IGSF21: variants seen among roughly 807,000 people sequenced by gnomAD.
The protein encoded by IGSF21 is immunoglobin superfamily member 21, also known as immunoglobulin superfamily member 21.
Under a neutral mutation model 46.8 loss-of-function variants are expected in IGSF21, and 28 were observed. The observed-to-expected ratio is 0.60, with a 90% CI of 0.44 to 0.82. The LOEUF is 0.82. Among genes scored for constraint, IGSF21 ranks in the 40% least tolerant of loss-of-function variants. The pLI, the probability that IGSF21 is intolerant of heterozygous loss-of-function variation, is 0.00. For synonymous variants in IGSF21, 284 were observed against 273.6 expected, an observed-to-expected ratio of 1.04 and a Z score of -0.38; for missense variants, 624 against 665.5, an observed-to-expected ratio of 0.94 and a Z score of 0.69.
chr1:18,146,600 CT>C (rs1216302484), intron 1 of IGSF21, among the ~76,000 whole-genome samples: 7 of 152,158 alleles, frequency 4.6e-5, no homozygotes, highest in Non-Finnish European at 8.8e-5. Context: ...GAAGTGCCTC[CT>C]TTTGGTCAAG....
chr1:18,219,169 A>G (rs2084482240), intron 1 of IGSF21, among the ~76,000 whole-genome samples: 1 of 152,244 alleles, frequency 6.6e-6, no homozygotes, highest in Non-Finnish European at 1.5e-5. Context: ...AAGAAGGAGT[A>G]AAGCAGGGTA....
intron 1 of IGSF21, among the ~76,000 whole-genome samples, chr1:18,187,664 C>G (rs186727006): frequency 6.6e-6 from 1 of 152,258 alleles, no homozygotes; most frequent in African/African-American, 2.4e-5. Flanking sequence ...GGTGGGGACA[C>G]AGCCAAACCA....
chr1:18,214,230 G>C (rs777482361), intron 1 of IGSF21, among the ~76,000 whole-genome samples: 2 of 152,174 alleles, frequency 1.3e-5, no homozygotes, highest in Non-Finnish European at 2.9e-5. Context: ...TTAGAGAGGG[G>C]GAATATTTCA....
intron 2 of IGSF21, among the ~76,000 whole-genome samples, chr1:18,264,493 C>A: frequency 6.6e-6 from 1 of 152,090 alleles, no homozygotes; most frequent in East Asian, 1.9e-4. Context: ...GTTTTTCCAG[C>A]AGTGAAATGG....
intron 1 of IGSF21, among the ~76,000 whole-genome samples, chr1:18,225,130 A>ACACACACAC (rs2084552914): frequency 9.8e-6 from 1 of 102,290 alleles, no homozygotes; most frequent in Non-Finnish European, 2.0e-5. Context: ...CACACACACA[A>ACACACACAC]AGAAATCATG....
chr1:18,355,207 G>T (rs1248770018), intron 4 of IGSF21, among the ~76,000 whole-genome samples: 4 of 152,170 alleles, frequency 2.6e-5, no homozygotes, highest in African/African-American at 9.7e-5. Context: ...GTTTGGGGCA[G>T]ATTTCCCTCT....
chr1:18,174,908 G>T (rs1183393727), intron 1 of IGSF21, among the ~76,000 whole-genome samples: 1 of 152,218 alleles, frequency 6.6e-6, no homozygotes, highest in African/African-American at 2.4e-5. Context: ...CCAAATGGTA[G>T]CAGTGAGCAC....
chr1:18,190,209 C>T (rs12567796), intron 1 of IGSF21, among the ~76,000 whole-genome samples: 37,385 of 152,210 alleles, frequency 0.25, 5,686 homozygotes, highest in South Asian at 0.36. Flanking sequence ...AAGCTGGTCT[C>T]AGCTTCAGAG....
intron 1 of IGSF21, among the ~76,000 whole-genome samples, chr1:18,185,304 G>C (rs763203102): frequency 2.6e-5 from 4 of 152,168 alleles, no homozygotes; most frequent in Non-Finnish European, 5.9e-5. Context: ...TTAGTCTCTG[G>C]GTTGTGGGTT....
At chr1:18,375,943 G>A (rs187676813) in intron 6 of IGSF21, 233 of 215,872 alleles carry the variant, frequency 1.1e-3, no homozygotes, top group African/African-American at 4.4e-3. Flanking sequence ...CCCCAGGTAC[G>A]TTTCCCTCCC....
At chr1:18,237,427 T>C (rs1335469066) in intron 2 of IGSF21, among the ~76,000 whole-genome samples, 2 of 152,196 alleles carry the variant, frequency 1.3e-5, no homozygotes, top group African/African-American at 4.8e-5. Flanking sequence ...ACCTGGCCAA[T>C]GGGCTTGACT....
chr1:18,266,706 C>A (rs917952576), intron 2 of IGSF21, among the ~76,000 whole-genome samples: 6 of 152,224 alleles, frequency 3.9e-5, no homozygotes, highest in Non-Finnish European at 5.9e-5. Flanking sequence ...CAGCCCAGGT[C>A]CAAGGAGCAG....
chr1:18,118,134 G>GT (rs895390255), intron 1 of IGSF21, among the ~76,000 whole-genome samples: 22 of 151,818 alleles, frequency 1.4e-4, no homozygotes, highest in South Asian at 4.2e-4. Context: ...AGCCTTTGGG[G>GT]TTTTTTTTTG....
chr1:18,152,427 C>A (rs1309813885), intron 1 of IGSF21, among the ~76,000 whole-genome samples: 1 of 152,162 alleles, frequency 6.6e-6, no homozygotes, highest in East Asian at 1.9e-4. Flanking sequence ...GATATTTGAG[C>A]CACAGATCTT....
intron 4 of IGSF21, among the ~76,000 whole-genome samples, chr1:18,352,201 G>A (rs991502535): frequency 8.5e-5 from 13 of 152,286 alleles, no homozygotes; most frequent in Middle Eastern, 6.8e-3. Context: ...CAAGCCTTTC[G>A]TTTTCTATCA....
chr1:18,189,986 G>A (rs1445868053), intron 1 of IGSF21, among the ~76,000 whole-genome samples: 1 of 152,174 alleles, frequency 6.6e-6, no homozygotes, highest in Non-Finnish European at 1.5e-5. Flanking sequence ...GTGGGGGCCG[G>A]TACCAGTCCA....
chr1:18,269,385 G>T lies in IGSF21; in HGVS notation c.184-22481G>T, dbSNP rs928629441. Among the ~76,000 whole-genome samples the T allele has an allele frequency of 2.0e-5, 3 of 152,328 alleles. 1 individual carries two copies. Among genetic ancestry groups the T allele is most frequent in the African/African-American group, 7.2e-5 (3 of 41,576 alleles). ...TTGATCCTGTGTCATTGGCATGGAT[G>T]CAAGTGTTTGGGGAGGACTTGTTGG... On this transcript the variant is annotated intron_variant, in intron 2 of 9. Coordinates refer to ENST00000251296, the MANE Select transcript of IGSF21 (RefSeq NM_032880.5).
intron 3 of IGSF21, among the ~76,000 whole-genome samples, chr1:18,330,452 A>G (rs1390639182): frequency 6.6e-6 from 1 of 152,190 alleles, no homozygotes; most frequent in African/African-American, 2.4e-5. Context: ...ATTTTTTTAG[A>G]AAATAACTTG....
At chr1:18,252,044 C>CTTTTTTTTTTTTTTTTTTTTTTTTTTTT (rs1557608067) in intron 2 of IGSF21, among the ~76,000 whole-genome samples, 1 of 98,982 alleles carries the variant, frequency 1.0e-5, no homozygotes. Flanking sequence ...CTGACCAAGG[C>CTTTTTTTTTTTTTTTTTTTTTTTTTTTT]GTTTTTTTTT....
Sources: gnomAD v4.1 joint callset for allele counts (sites outside exome capture counted in the v4.1 genomes callset) on GRCh38, gnomAD v4.1.1 for gene constraint, MANE v1.5 for transcripts, NCBI Gene and HGNC (gene_info 2026-07-23, HGNC 2026-07-21) for gene names.